TRPM1: variants seen among roughly 807,000 people sequenced by gnomAD.
The protein encoded by TRPM1 is TRPM1-203 APA Isoform, Intron 10.
In TRPM1, 113 loss-of-function variants were observed where a neutral mutation model predicts 149.4. That is an observed-to-expected ratio of 0.76 (90% CI 0.65 to 0.88). The LOEUF (loss-of-function observed/expected upper bound fraction) is 0.88, where lower values mean the gene tolerates loss of function less well. Ranked by LOEUF, TRPM1 falls within the 40% of genes least tolerant of loss-of-function variation. The pLI is 0.00. For synonymous variants in TRPM1, 741 were observed against 759.5 expected (o/e 0.98, Z 0.40); for missense variants, 1,976 against 2,038.7 (o/e 0.97, Z 0.59).
At chr15:31,058,604 A>G (rs1164091397) in intron 11 of TRPM1, among the ~76,000 whole-genome samples, 1 of 152,268 alleles carries the variant, frequency 6.6e-6, no homozygotes, top group Non-Finnish European at 1.5e-5. Context: ...AAGGATATGT[A>G]CATGTTCATC....
chr15:31,064,816 T>C (rs577496035), intron 7 of TRPM1, among the ~76,000 whole-genome samples: 1 of 152,294 alleles, frequency 6.6e-6, no homozygotes, highest in African/African-American at 2.4e-5. Context: ...GCTAAGTTCA[T>C]TTCAGCAGAC....
rs865845305 is a variant in TRPM1 at position 31,040,791 on chromosome 15, A to G, written c.2088-445T>C. On this transcript the variant is annotated intron_variant, in intron 17 of 27. Transcript: ENST00000256552. This position sits in a 1 kb window ranked among gnomAD's most constrained non-coding sequence, Gnocchi z 4.2. Reference sequence around the variant, plus strand: ...CGGGAGGTGGACACTGAAAGGAGTCACAGGAGGGCTGGTGGGTGCCGGCTA... The same window carrying G: ...CGGGAGGTGGACACTGAAAGGAGTCGCAGGAGGGCTGGTGGGTGCCGGCTA... 2.0e-5 allele frequency among the ~76,000 whole-genome samples: 3 copies of G among 152,176 alleles called. 1 individual carries two copies. In the South Asian group the frequency reaches 6.2e-4, roughly 32 times the overall value.
At chr15:31,127,383 G>A (rs746711056) in intron 1 of TRPM1, among the ~76,000 whole-genome samples, 1 of 152,228 alleles carries the variant, frequency 6.6e-6, no homozygotes, top group African/African-American at 2.4e-5. Context: ...CATCTTAACC[G>A]CTGAGTTTCC....
chr15:31,024,694 A>G (rs1206642035), intron 27 of TRPM1, among the ~76,000 whole-genome samples: 1 of 152,204 alleles, frequency 6.6e-6, no homozygotes, highest in African/African-American at 2.4e-5. Flanking sequence ...AAAACAAAAC[A>G]CAATCTCCAT....
At chr15:31,097,747 C>T (rs1416497562) in intron 1 of TRPM1, among the ~76,000 whole-genome samples, 3 of 152,128 alleles carry the variant, frequency 2.0e-5, no homozygotes, top group East Asian at 1.9e-4. Flanking sequence ...ACAAACTTCC[C>T]GATATTCAAG....
At chr15:31,140,308 G>A (rs2036144477) in intron 1 of TRPM1, among the ~76,000 whole-genome samples, 1 of 152,088 alleles carries the variant, frequency 6.6e-6, no homozygotes, top group African/African-American at 2.4e-5. Flanking sequence ...GAACCCAGGA[G>A]GCGGAGCTTG....
rs993378578 is a variant in TRPM1, at chr15:31,161,137, C to T, written c.-178G>A. On this transcript the variant is annotated 5_prime_UTR_variant, in exon 1 of 27. Transcript: ENST00000542188. ...GCCGAGATCCTGGGGCGAGGCCGGC[C>T]GGAGGCTGGTTCAGCCTAGGAGGAG... The T allele has an allele frequency of 3.6e-5, 23 of 630,774 alleles. 1 individual carries two copies. The highest frequency in any genetic ancestry group is 2.7e-4 in the South Asian group (14 of 50,938). 39.1% of individuals were successfully genotyped at this position (630,774 alleles called of 1,614,324 possible). A position where few individuals can be genotyped will look rare whatever the true frequency, so the allele number is the denominator to read the frequency against.
chr15:31,043,783 A>G (rs567076446), intron 16 of TRPM1, among the ~76,000 whole-genome samples: 13 of 152,336 alleles, frequency 8.5e-5, no homozygotes, highest in South Asian at 6.2e-4. Context: ...CCTTTCAATA[A>G]CATCTAATAT....
At chr15:31,019,430 C>CACGCAG (rs2032479334) in intron 27 of TRPM1, among the ~76,000 whole-genome samples, 4 of 152,138 alleles carry the variant, frequency 2.6e-5, no homozygotes, top group African/African-American at 4.8e-5. Context: ...GAGAGGGAGT[C>CACGCAG]TCTGTCACGC....
chr15:31,032,653 A>C (rs2033142572), intron 22 of TRPM1, 36 bp downstream of exon 22: 1 of 1,614,122 alleles, frequency 6.2e-7, no homozygotes. Flanking sequence ...CTACAGCCAA[A>C]GTCTCTCTGG....
At chr15:31,122,224 C>T (rs768682821) in intron 1 of TRPM1, among the ~76,000 whole-genome samples, 6 of 152,162 alleles carry the variant, frequency 3.9e-5, no homozygotes, top group Non-Finnish European at 5.9e-5. Context: ...ACAGCTAACA[C>T]CATACTTAAT....
chr15:31,133,373 G>A (rs2036045588), intron 1 of TRPM1, among the ~76,000 whole-genome samples: 1 of 152,004 alleles, frequency 6.6e-6, no homozygotes, highest in Admixed American at 6.6e-5. Flanking sequence ...TTGGAGAACA[G>A]CATGATCCAC....
At chr15:31,019,761 G>A (rs1470448729) in intron 27 of TRPM1, among the ~76,000 whole-genome samples, 2 of 150,116 alleles carry the variant, frequency 1.3e-5, no homozygotes, top group East Asian at 3.9e-4. Context: ...GGTCTTGAAC[G>A]CCTGACCTCA....
chr15:31,118,074 A>C (rs1261168657), intron 1 of TRPM1, among the ~76,000 whole-genome samples: 1 of 152,152 alleles, frequency 6.6e-6, no homozygotes, highest in Non-Finnish European at 1.5e-5. Flanking sequence ...CAGCCTGGCC[A>C]ACGTGGTGAA....
chr15:31,067,102 C>G lies in TRPM1; in HGVS notation c.579G>C (p.Trp193Cys). Residue 193 changes from tryptophan to cysteine, a missense_variant, in exon 6 of 28, where the codon TGG becomes TGC. By Grantham distance (215) the Trp-to-Cys change is radical (BLOSUM62 -2). This residue lies in a region of TRPM1 where 1,332 missense variants were observed against 1,347.1 expected (regional missense o/e 0.99). Transcript: ENST00000256552. ...GRVCAIGIAP[W>C]GIVENKEDLV... The stretch of plus-strand genomic sequence containing the variant: ...GGTCTTCCTTATTCTCCACGATGCC[C>G]CATGGAGCAATTCCTATAGCACAAA... 6.2e-7 allele frequency: 1 copy of G among 1,614,106 alleles called. No individual in the cohort carries two copies. The highest frequency in any genetic ancestry group is 8.5e-7 in the Non-Finnish European group (1 of 1,180,032).
intron 18 of TRPM1, 135 bp downstream of exon 18, chr15:31,039,983 G>T: frequency 1.3e-6 from 1 of 776,932 alleles, no homozygotes. Context: ...ATAAGACAAT[G>T]ATTGTCATGG....
chr15:31,089,432 T>A (rs2035155032), intron 1 of TRPM1, among the ~76,000 whole-genome samples: 1 of 152,246 alleles, frequency 6.6e-6, no homozygotes, highest in Non-Finnish European at 1.5e-5. Flanking sequence ...GCTTGATGCC[T>A]ATGACAGGTC....
intron 1 of TRPM1, among the ~76,000 whole-genome samples, chr15:31,128,310 G>A (rs567796091): frequency 2.0e-4 from 30 of 152,250 alleles, no homozygotes; most frequent in African/African-American, 6.7e-4. Flanking sequence ...TGTGCCCACC[G>A]GCTGCCGTGG....
At chr15:31,110,750 A>G (rs1177775854) in intron 1 of TRPM1, among the ~76,000 whole-genome samples, 1 of 152,150 alleles carries the variant, frequency 6.6e-6, no homozygotes, top group East Asian at 1.9e-4. Flanking sequence ...AGGACCGGCC[A>G]TGGAGTTATC....
Sources: gnomAD v4.1 joint callset for allele counts (sites outside exome capture counted in the v4.1 genomes callset) on GRCh38, gnomAD v4.1.1 for gene constraint, gnomAD v4.1.1 regional missense constraint, Gnocchi (gnomAD v3.1) non-coding constraint, MANE v1.5 for transcripts, NCBI Gene and HGNC (gene_info 2026-07-23, HGNC 2026-07-21) for gene names.